The following TRIM49B variants were observed in gnomAD, a reference collection of about 807,000 sequenced individuals.
The protein encoded by TRIM49B is putative tripartite motif-containing protein 49B.
TRIM49B carries 18 observed loss-of-function variants against 31.8 expected under a neutral mutation model. That is an observed-to-expected ratio of 0.57 (90% CI 0.39 to 0.84). The LOEUF is 0.84. Among genes scored for constraint, TRIM49B ranks in the 40% least tolerant of loss-of-function variants. The pLI is 0.00. For synonymous variants in TRIM49B, 196 were observed against 180.6 expected (o/e 1.09, Z -0.68); for missense variants, 494 against 538.7 (o/e 0.92, Z 0.82).
rs1403194858 is a variant in TRIM49B, at chr11:49,037,646, G to T, written c.1028G>T (p.Trp343Leu). Residue 343 changes from tryptophan (W) to leucine (L), a missense_variant, in exon 7 of 7, where the codon TGG becomes TTG. Physicochemically the swap from Trp to Leu is moderately conservative, Grantham distance 61 (BLOSUM62 -2). Coordinates refer to ENST00000332682, the MANE Select transcript of TRIM49B (RefSeq NM_001206626.2). The part of the protein sequence containing the change: ...AQTFTSGKYY[W>L]EVHVGDSWNW... The stretch of plus-strand genomic sequence containing the variant: ...ACTTTCACCTCGGGCAAATATTACT[G>T]GGAGGTCCATGTAGGGGACTCCTGG... 6.2e-7 allele frequency: 1 copy of T among 1,613,802 alleles called. No homozygotes were observed. Among genetic ancestry groups the T allele is most frequent in the Non-Finnish European group, 8.5e-7 (1 of 1,179,876 alleles).
chr11:49,032,935 G>A (rs11040229), intron 3 of TRIM49B, among the ~76,000 whole-genome samples: 76,549 of 151,936 alleles, frequency 0.5, 21,558 homozygotes, highest in Non-Finnish European at 0.63. Flanking sequence ...TGTCTTGAGG[G>A]AGACATGTAA....
intron 1 of TRIM49B, among the ~76,000 whole-genome samples, chr11:49,031,059 C>A (rs1189054038): frequency 6.7e-6 from 1 of 150,194 alleles, no homozygotes; most frequent in Non-Finnish European, 1.5e-5. Flanking sequence ...ATTTTAAGTC[C>A]TGGGATAACT....
chr11:49,033,437 ATATGTATG>A (rs754303365), intron 3 of TRIM49B, among the ~76,000 whole-genome samples: 2 of 150,522 alleles, frequency 1.3e-5, no homozygotes, highest in Non-Finnish European at 2.9e-5. Flanking sequence ...ATGAGTGTGT[ATATGTATG>A]TATGTGTGTG....
At chr11:49,034,519 G>T in intron 4 of TRIM49B, 143 bp downstream of exon 4, 2 of 1,571,728 alleles carry the variant, frequency 1.3e-6, no homozygotes, top group Admixed American at 1.7e-5. Flanking sequence ...ACTTTGTTGG[G>T]AGAGTATAGC....
In TRIM49B at chr11:49,032,352, C is replaced by T. The variant is rs778453899; in HGVS notation, c.488C>T (p.Thr163Ile). ...ENHRNLNVETTRTRCWKDYVN... is the reference protein window; with the variant it reads ...ENHRNLNVETIRTRCWKDYVN... ...CACAGAAACCTGAATGTGGAAACCA[C>T]CAGAACCAGATGCTGGAAGGTTAGT... The change falls in exon 3 of 7, where the codon ACC becomes ATC. Residue 163 changes from threonine to isoleucine, a missense_variant. By Grantham distance (89) the Thr-to-Ile change is moderately conservative (BLOSUM62 -1). This residue lies in a region of TRIM49B where 251 missense variants were observed against 232.8 expected (regional missense o/e 1.08). Coordinates refer to ENST00000332682, the MANE Select transcript of TRIM49B (RefSeq NM_001206626.2). 2.7e-5 allele frequency: 43 copies of T among 1,613,140 alleles called. No individual in the cohort carries two copies. Among genetic ancestry groups the T allele is most frequent in the Non-Finnish European group, 2.9e-5 (34 of 1,179,654 alleles).
chr11:49,037,628 C>T lies in TRIM49B; in HGVS notation c.1010C>T (p.Thr337Ile). The change falls in exon 7 of 7, where the codon ACC becomes ATC. Residue 337 changes from threonine (T) to isoleucine (I), a missense_variant. Physicochemically the swap from Thr to Ile is moderately conservative, Grantham distance 89 (BLOSUM62 -1). Transcript: ENST00000332682. Reference sequence around the variant, plus strand: ...CTTGCATGGGGTGCTCAGACTTTCACCTCGGGCAAATATTACTGGGAGGTC... The same window carrying T: ...CTTGCATGGGGTGCTCAGACTTTCATCTCGGGCAAATATTACTGGGAGGTC... ...SFLAWGAQTF[T>I]SGKYYWEVHV... 2 of 1,613,912 alleles carry T rather than the reference C, an allele frequency of 1.2e-6. No individual in the cohort carries two copies. The highest frequency in any genetic ancestry group is 1.7e-6 in the Non-Finnish European group (2 of 1,179,888).
chr11:49,031,992 G>T lies in TRIM49B; in HGVS notation c.393G>T (p.Ser131=). 1 of 1,612,004 alleles carries T rather than the reference G, an allele frequency of 6.2e-7. No individual in the cohort carries two copies. Among genetic ancestry groups the T allele is most frequent in the Non-Finnish European group, 8.5e-7 (1 of 1,179,870 alleles). ...HRDHRHCPIE[S]AAEEHQEKLL... ...ATCACAGACACTGTCCCATTGAGTC[G>T]GCTGCTGAGGAACACCAGGTAAGTG... Residue 131 remains serine, a synonymous_variant, in exon 2 of 7, where the codon TCG becomes TCT. Coordinates refer to ENST00000332682, the MANE Select transcript of TRIM49B (RefSeq NM_001206626.2).
intron 3 of TRIM49B, among the ~76,000 whole-genome samples, chr11:49,033,625 T>G (rs536519730): frequency 1.3e-5 from 2 of 152,184 alleles, no homozygotes; most frequent in Admixed American, 1.3e-4. Flanking sequence ...TGGGATGACT[T>G]AGAAAAAGAA....
chr11:49,036,526 T>C (rs2134701957), intron 6 of TRIM49B, 128 bp downstream of exon 6: 1 of 613,592 alleles, frequency 1.6e-6, no homozygotes, highest in East Asian at 2.8e-5. Context: ...AATATAACCA[T>C]GCAACCCTTT....
At position 49,034,160 on chromosome 11, in the gene TRIM49B, A is replaced by G. The variant is rs537522142; in HGVS notation, c.522A>G (p.Leu174=). Residue 174 remains leucine, a synonymous_variant, in exon 4 of 7, where the codon TTA becomes TTG. Coordinates refer to ENST00000332682, the MANE Select transcript of TRIM49B (RefSeq NM_001206626.2). ...RTRCWKDYVN[L]RLEAIRAEYQ... is the part of the protein sequence containing the mutation. Reference sequence around the variant, plus strand: ...TATCACTGCAGGATTATGTGAATTTAAGGCTAGAAGCAATTAGAGCTGAGT... The same window carrying G: ...TATCACTGCAGGATTATGTGAATTTGAGGCTAGAAGCAATTAGAGCTGAGT... 5.4e-5 allele frequency: 87 copies of G among 1,611,932 alleles called. No individual in the cohort carries two copies. The African/African-American group carries it at 1.0e-3, about 19-fold the overall frequency.
intron 1 of TRIM49B, among the ~76,000 whole-genome samples, chr11:49,030,191 G>T (rs1590633374): frequency 6.6e-6 from 1 of 151,978 alleles, no homozygotes; most frequent in African/African-American, 2.4e-5. Flanking sequence ...ACAAAAATTA[G>T]CCAGGCCTAG....
chr11:49,034,346 G>A lies in TRIM49B; in HGVS notation c.708G>A (p.Met236Ile), dbSNP rs1276548943. The change falls in exon 4 of 7, where the codon ATG becomes ATA. Residue 236 changes from methionine (M) to isoleucine (I), a missense_variant. By Grantham distance (10) the Met-to-Ile change is conservative. Coordinates refer to ENST00000332682, the MANE Select transcript of TRIM49B (RefSeq NM_001206626.2). The part of the protein sequence containing the change: ...LRGMYEELNE[M>I]CHKPDVELLQ... The stretch of plus-strand genomic sequence containing the variant: ...GAATGTATGAGGAGCTGAACGAAAT[G>A]TGCCATAAACCAGATGTGGAGCTAC... The A allele has an allele frequency of 3.1e-6, 5 of 1,611,846 alleles. No individual in the cohort carries two copies. The African/African-American group carries it at 5.3e-5, about 17-fold the overall frequency.
At chr11:49,033,825 G>A (rs1256156124) in intron 3 of TRIM49B, among the ~76,000 whole-genome samples, 1 of 152,122 alleles carries the variant, frequency 6.6e-6, no homozygotes, top group East Asian at 1.9e-4. Flanking sequence ...AGTAACTATA[G>A]CCCTATACTC....
intron 3 of TRIM49B, among the ~76,000 whole-genome samples, chr11:49,033,120 G>C (rs937953519): frequency 1.3e-5 from 2 of 152,128 alleles, no homozygotes; most frequent in Non-Finnish European, 2.9e-5. Flanking sequence ...TATTAAATTA[G>C]AAAATATACT....
chr11:49,032,264 G>T lies in TRIM49B; in HGVS notation c.412-12G>T, dbSNP rs763432421. 1 of 1,612,702 alleles carries T rather than the reference G, an allele frequency of 6.2e-7. No homozygotes were observed. The highest frequency in any genetic ancestry group is 2.2e-5 in the East Asian group (1 of 44,858). ...GTCTGCACTGGTGCTTCAATTTATG[G>T]CTCTTTTGCAGGAGAAGCTTTTACA... On this transcript the variant is annotated splice_polypyrimidine_tract_variant and intron_variant, in intron 2 of 6. Transcript: ENST00000332682.
In TRIM49B at chr11:49,032,278, G is replaced by A. The variant is rs200710085; in HGVS notation, c.414G>A (p.Glu138=). Residue 138 remains glutamate (E), a splice_region_variant and synonymous_variant, in exon 3 of 7, where the codon GAG becomes GAA. Transcript: ENST00000332682. ...PIESAAEEHQ[E]KLLQKMQSLW... ...TTCAATTTATGGCTCTTTTGCAGGAGAAGCTTTTACAGAAAATGCAGTCTT... is the reference window on the plus strand; with the variant it reads ...TTCAATTTATGGCTCTTTTGCAGGAAAAGCTTTTACAGAAAATGCAGTCTT... The A allele has an allele frequency of 6.7e-3, 10,745 of 1,612,798 alleles. 100 individuals are homozygous for A. Among genetic ancestry groups the A allele is most frequent in the Middle Eastern group, 6.9e-3 (38 of 5,496 alleles).
intron 1 of TRIM49B, among the ~76,000 whole-genome samples, chr11:49,030,690 C>G (rs1287108873): frequency 6.6e-6 from 1 of 152,142 alleles, no homozygotes; most frequent in Non-Finnish European, 1.5e-5. Context: ...TCACATATCT[C>G]TCTTCTCTAG....
At chr11:49,029,231 GAT>G (rs1020216726) in intron 1 of TRIM49B, among the ~76,000 whole-genome samples, 3 of 152,062 alleles carry the variant, frequency 2.0e-5, no homozygotes, top group Non-Finnish European at 2.9e-5. Flanking sequence ...ATATGGAGTT[GAT>G]ATATATATGT....
intron 3 of TRIM49B, among the ~76,000 whole-genome samples, chr11:49,033,250 G>T (rs1199749732): frequency 6.6e-6 from 1 of 152,118 alleles, no homozygotes; most frequent in Non-Finnish European, 1.5e-5. Flanking sequence ...TAGGTTTTTT[G>T]TTGGAGAATA....
Sources: gnomAD v4.1 joint callset for allele counts (sites outside exome capture counted in the v4.1 genomes callset) on GRCh38, gnomAD v4.1.1 for gene constraint, gnomAD v4.1.1 regional missense constraint, MANE v1.5 for transcripts, NCBI Gene and HGNC (gene_info 2026-07-23, HGNC 2026-07-21) for gene names.